The following CACNA2D3 variants were observed in gnomAD, a reference collection of about 807,000 sequenced individuals.
The protein encoded by CACNA2D3 is voltage-dependent calcium channel subunit alpha-2/delta-3.
CACNA2D3 carries 60 observed loss-of-function variants against 160.6 expected under a neutral mutation model. The observed-to-expected ratio is 0.37, with a 90% confidence interval of 0.30 to 0.46. CACNA2D3 has a LOEUF of 0.46. Among genes scored for constraint, CACNA2D3 ranks in the 20% least tolerant of loss-of-function variants. The pLI, the probability that CACNA2D3 is intolerant of heterozygous loss-of-function variation, is 1.00. For synonymous variants in CACNA2D3, 558 were observed against 492.9 expected (o/e 1.13, Z -1.75); for missense variants, 1,205 against 1,365.0 (o/e 0.88, Z 1.85).
intron 5 of CACNA2D3, among the ~76,000 whole-genome samples, chr3:54,533,796 TG>T (rs1701843292): frequency 3.0e-3 from 1 of 336 alleles, no homozygotes; most frequent in Non-Finnish European, 6.8e-3. Context: ...TGGAAAATAG[TG>T]TGTGTGTGTG....
chr3:54,484,927 A>G (rs552373861), intron 4 of CACNA2D3, among the ~76,000 whole-genome samples: 3 of 151,480 alleles, frequency 2.0e-5, no homozygotes, highest in African/African-American at 7.3e-5. Context: ...GCTCACTGCA[A>G]TCTCTGCCTT....
rs539698041 is a variant in CACNA2D3 at position 54,990,918 on chromosome 3, G to C, written c.2690+3165G>C. 3.3e-5 allele frequency among the ~76,000 whole-genome samples: 5 copies of C among 152,310 alleles called. No homozygotes were observed. In the South Asian group the frequency reaches 1.0e-3, roughly 32 times the overall value. On this transcript the variant is annotated intron_variant, in intron 31 of 37. Coordinates refer to ENST00000474759, the MANE Select transcript of CACNA2D3 (RefSeq NM_018398.3). ...CACAGCAGCGTGTGAAACAATCTAAGAGGCAAAATTGACCACTCTTGGGCA... is the reference window on the plus strand; with the variant it reads ...CACAGCAGCGTGTGAAACAATCTAACAGGCAAAATTGACCACTCTTGGGCA...
At chr3:54,809,092 G>T (rs900019868) in intron 13 of CACNA2D3, among the ~76,000 whole-genome samples, 2 of 151,922 alleles carry the variant, frequency 1.3e-5, no homozygotes, top group Non-Finnish European at 2.9e-5. Context: ...CTATATTGTT[G>T]TCCAGGTTCT....
chr3:54,163,433 T>C (rs1700387641), intron 2 of CACNA2D3, among the ~76,000 whole-genome samples: 1 of 152,186 alleles, frequency 6.6e-6, no homozygotes, highest in African/African-American at 2.4e-5. Flanking sequence ...TGCCATTCTC[T>C]GGGAGACTGC....
chr3:54,502,475 C>G (rs1276954768), intron 4 of CACNA2D3, among the ~76,000 whole-genome samples: 8 of 152,192 alleles, frequency 5.3e-5, no homozygotes, highest in Non-Finnish European at 1.5e-5. Context: ...CACATTGATT[C>G]TTTCATAGAA....
chr3:55,074,194 C>T lies in CACNA2D3; in HGVS notation c.3264C>T (p.Leu1088=). ...TTCTGCTCCCTCTGCTTTTGATGCT[C>T]TTCTCAAGGTGACACTGACTGAGAT... ...VLLLLPLLLM[L]FSR Residue 1088 remains leucine, a synonymous_variant, in exon 38 of 38, where the codon CTC becomes CTT. Coordinates refer to ENST00000474759, the MANE Select transcript of CACNA2D3 (RefSeq NM_018398.3). 1.9e-6 allele frequency: 3 copies of T among 1,613,406 alleles called. No homozygotes were observed. The highest frequency in any genetic ancestry group is 2.5e-6 in the Non-Finnish European group (3 of 1,179,350).
At chr3:54,315,346 A>G (rs1239185549) in intron 2 of CACNA2D3, among the ~76,000 whole-genome samples, 2 of 152,186 alleles carry the variant, frequency 1.3e-5, no homozygotes, top group Non-Finnish European at 2.9e-5. Context: ...TTCACATGTG[A>G]CCTGATGGCT....
chr3:54,777,847 G>A (rs72874229), intron 13 of CACNA2D3, among the ~76,000 whole-genome samples: 3,768 of 152,290 alleles, frequency 0.025, 183 homozygotes, highest in African/African-American at 0.086. Context: ...GGGACATCTT[G>A]AGACCACATT....
chr3:54,262,196 C>T (rs764096616), intron 2 of CACNA2D3, among the ~76,000 whole-genome samples: 3 of 152,086 alleles, frequency 2.0e-5, no homozygotes, highest in Admixed American at 1.3e-4. Flanking sequence ...TTTGCTTTGG[C>T]GGCAGGGCTT....
At chr3:54,206,507 G>A (rs1179948439) in intron 2 of CACNA2D3, among the ~76,000 whole-genome samples, 2 of 152,144 alleles carry the variant, frequency 1.3e-5, no homozygotes, top group African/African-American at 2.4e-5. Flanking sequence ...TCCCTCACAC[G>A]CATTCTCCTG....
intron 2 of CACNA2D3, among the ~76,000 whole-genome samples, chr3:54,198,796 C>T (rs1312095962): frequency 6.6e-6 from 1 of 152,252 alleles, no homozygotes; most frequent in African/African-American, 2.4e-5. Context: ...GACCTCCCTG[C>T]AGCTAGACGC....
intron 2 of CACNA2D3, among the ~76,000 whole-genome samples, chr3:54,142,502 G>A (rs1040656630): frequency 6.6e-6 from 1 of 152,014 alleles, no homozygotes; most frequent in African/African-American, 2.4e-5. Flanking sequence ...TGTAGTATCC[G>A]TGGGCCCTTT....
intron 35 of CACNA2D3, among the ~76,000 whole-genome samples, chr3:55,039,509 A>T (rs1703912931): frequency 6.6e-6 from 1 of 152,072 alleles, no homozygotes; most frequent in African/African-American, 2.4e-5. Context: ...AACAATTGTT[A>T]GTGTTTTGTC....
At chr3:54,585,112 T>C (rs1702737635) in intron 9 of CACNA2D3, among the ~76,000 whole-genome samples, 1 of 152,190 alleles carries the variant, frequency 6.6e-6, no homozygotes, top group African/African-American at 2.4e-5. Flanking sequence ...AGATTACAAT[T>C]AGAGTATCCT....
At chr3:54,567,996 A>T (rs1295913426) in intron 6 of CACNA2D3, among the ~76,000 whole-genome samples, 3 of 152,222 alleles carry the variant, frequency 2.0e-5, no homozygotes, top group Non-Finnish European at 4.4e-5. Flanking sequence ...TCAGATTTTT[A>T]TTGTGCTATT....
chr3:54,927,321 T>A (rs1701050301), intron 27 of CACNA2D3, among the ~76,000 whole-genome samples: 1 of 152,208 alleles, frequency 6.6e-6, no homozygotes, highest in Non-Finnish European at 1.5e-5. Context: ...ATGCAGAACA[T>A]CACAGTCCCC....
At chr3:54,775,733 T>G (rs182797198) in intron 13 of CACNA2D3, among the ~76,000 whole-genome samples, 27 of 152,292 alleles carry the variant, frequency 1.8e-4, no homozygotes, top group Admixed American at 1.2e-3. Context: ...CTTCATCACT[T>G]CTGATGATCA....
At chr3:54,531,821 A>T (rs1299663503) in intron 5 of CACNA2D3, among the ~76,000 whole-genome samples, 1 of 152,162 alleles carries the variant, frequency 6.6e-6, no homozygotes, top group Non-Finnish European at 1.5e-5. Flanking sequence ...TAAAAAACGG[A>T]TTTTTGTCTA....
intron 4 of CACNA2D3, 27 bp from the exon 5 acceptor site, chr3:54,503,465 G>T (rs764016509): frequency 8.7e-6 from 14 of 1,611,734 alleles, no homozygotes; most frequent in Non-Finnish European, 1.2e-5. Context: ...TAAGCCACAT[G>T]TAATGTTTTT....
Sources: allele counts gnomAD v4.1 joint callset (sites outside exome capture counted in the v4.1 genomes callset), GRCh38; gene constraint gnomAD v4.1.1; transcripts MANE v1.5; gene names NCBI Gene and HGNC (gene_info 2026-07-23, HGNC 2026-07-21).